SEMA4A: variants seen among roughly 807,000 people sequenced by gnomAD.
SEMA4A encodes the protein semaphorin 4A, also known as semaphorin-4A.
Under a neutral mutation model 72.5 loss-of-function variants are expected in SEMA4A, and 52 were observed. The ratio of observed to expected loss-of-function variants is 0.72; its 90% CI spans 0.57 to 0.90. SEMA4A has a LOEUF of 0.90. Ranked by LOEUF, SEMA4A falls within the 40% of genes least tolerant of loss-of-function variation. The probability of loss-of-function intolerance (pLI) is 0.00; values close to 1 mark genes in which losing one functional copy is unlikely to be tolerated. For synonymous variants in SEMA4A, 369 were observed against 393.1 expected, an observed-to-expected ratio of 0.94 and a Z score of 0.73; for missense variants, 926 against 959.7, an observed-to-expected ratio of 0.96 and a Z score of 0.46.
In SEMA4A at chr1:156,156,532, C is replaced by T. The variant is rs750424205; in HGVS notation, c.258C>T (p.Ala86=). 1.9e-6 allele frequency: 3 copies of T among 1,614,040 alleles called. No individual in the cohort carries two copies. The highest frequency in any genetic ancestry group is 2.5e-6 in the Non-Finnish European group (3 of 1,179,988). Residue 86 remains alanine, a synonymous_variant, in exon 3 of 15, where the codon GCC becomes GCT. Coordinates refer to ENST00000368285, the MANE Select transcript of SEMA4A (RefSeq NM_022367.4). ...TGGGGGCTCGAGAAGCCATTCTGGC[C>T]TTGGATATCCAGGATCCAGGGGTCC... The part of the protein sequence containing the change: ...LYVGAREAIL[A]LDIQDPGVPR...
chr1:156,161,020 A>C lies in SEMA4A; in HGVS notation c.801A>C (p.Arg267Ser), dbSNP rs1431755971. 8 of 1,554,742 alleles carry C rather than the reference A, an allele frequency of 5.1e-6. No individual in the cohort carries two copies. Among genetic ancestry groups the C allele is most frequent in the Non-Finnish European group, 7.0e-6 (8 of 1,146,630 alleles). The change falls in exon 8 of 15, where the codon AGA (arginine) becomes AGC (serine). Residue 267 changes from arginine to serine, a missense_variant. Coordinates refer to ENST00000368285, the MANE Select transcript of SEMA4A (RefSeq NM_022367.4). ...GGCTCCACACATCGCGGGTGGCTAGAGTCTGCAAGGTCCGCGGCCTGGGCG... is the reference window on the plus strand; with the variant it reads ...GGCTCCACACATCGCGGGTGGCTAGCGTCTGCAAGGTCCGCGGCCTGGGCG... ...FERLHTSRVA[R>S]VCKNDVGGEK...
upstream of SEMA4A, among the ~76,000 whole-genome samples, chr1:156,148,347 C>T (rs1652258064): frequency 6.6e-6 from 1 of 152,234 alleles, no homozygotes; most frequent in Non-Finnish European, 1.5e-5. Flanking sequence ...TGAGTCCCCA[C>T]AGCCGAGATG....
At chr1:156,167,529 A>G (rs954763718) in intron 10 of SEMA4A, among the ~76,000 whole-genome samples, 3 of 151,978 alleles carry the variant, frequency 2.0e-5, no homozygotes, top group East Asian at 3.9e-4. Context: ...AAATATTTAC[A>G]TAATCCCTTT....
In SEMA4A at chr1:156,172,968, T is replaced by G. The variant is rs1051987109; in HGVS notation, c.1277T>G (p.Leu426Arg). The G allele has an allele frequency of 1.4e-5, 22 of 1,613,960 alleles. No individual in the cohort carries two copies. In the African/African-American group the frequency reaches 2.8e-4, roughly 21 times the overall value. ...CTTGCAGTGGAGACAGCCCAGGGCC[T>G]TGATGGGCACAGCCATCTTGTCATG... is the stretch of plus-strand genomic sequence containing the variant. ...TRLAVETAQG[L>R]DGHSHLVMYL... The change falls in exon 11 of 15, where the codon CTT becomes CGT. Residue 426 changes from leucine (L) to arginine (R), a missense_variant. Physicochemically the swap from Leu to Arg is moderately radical, Grantham distance 102. Coordinates refer to ENST00000368285, the MANE Select transcript of SEMA4A (RefSeq NM_022367.4).
intron 10 of SEMA4A, among the ~76,000 whole-genome samples, chr1:156,171,332 G>A (rs1383150528): frequency 6.6e-6 from 1 of 152,198 alleles, no homozygotes; most frequent in Admixed American, 6.5e-5. Context: ...AGGGCCTTTA[G>A]AGAACAGTTG....
At position 156,154,696 on chromosome 1, in the gene SEMA4A, C is replaced by T; in HGVS notation, c.118C>T (p.Pro40Ser). 4 of 1,587,768 alleles carry T rather than the reference C, an allele frequency of 2.5e-6. No homozygotes were observed. The highest frequency in any genetic ancestry group is 3.4e-6 in the Non-Finnish European group (4 of 1,167,450). The change falls in exon 2 of 15, where the codon CCC (proline) becomes TCC (serine). Residue 40 changes from proline (P) to serine (S), a missense_variant. Physicochemically the swap from Pro to Ser is moderately conservative, Grantham distance 74. Coordinates refer to ENST00000368285, the MANE Select transcript of SEMA4A (RefSeq NM_022367.4). ...GGGGGGAGGCGGGCAGGGGCCCATGCCCAGGGTCAGATACTATGCAGGTAA... is the reference window on the plus strand; with the variant it reads ...GGGGGGAGGCGGGCAGGGGCCCATGTCCAGGGTCAGATACTATGCAGGTAA... ...TAGGGGQGPM[P>S]RVRYYAGDER...
upstream of SEMA4A, among the ~76,000 whole-genome samples, chr1:156,148,801 C>CTTT (rs371528689): frequency 2.3e-5 from 3 of 128,730 alleles, no homozygotes; most frequent in Admixed American, 7.7e-5. Flanking sequence ...TTTCTTTTTT[C>CTTT]TTTTTTTTTT....
Position 156,177,482 on chromosome 1 carries a change from G to A in SEMA4A, c.*485G>A, listed in dbSNP as rs542774465. 10 of 235,684 alleles carry A rather than the reference G, an allele frequency of 4.2e-5. No individual in the cohort carries two copies. The East Asian group carries it at 9.5e-4, about 22-fold the overall frequency. The allele number at this position is 235,684 out of a possible 1,614,324, so 14.6% of individuals were successfully genotyped here. A position where few individuals can be genotyped will look rare whatever the true frequency, so the allele number is the denominator to read the frequency against. ...TTCTCCCAGGGTCATGCAGGGATCT[G>A]CTCCCTCCTGCTTCCCTTACCAGTC... is the stretch of plus-strand genomic sequence containing the variant. On this transcript the variant is annotated 3_prime_UTR_variant, in exon 15 of 15. Coordinates refer to ENST00000368285, the MANE Select transcript of SEMA4A (RefSeq NM_022367.4).
At position 156,173,056 on chromosome 1, in the gene SEMA4A, C is replaced by T. The variant is rs1214403650; in HGVS notation, c.1315+50C>T. On this transcript the variant is annotated intron_variant, in intron 11 of 14. Coordinates refer to ENST00000368285, the MANE Select transcript of SEMA4A (RefSeq NM_022367.4). ...CCCCAGAGGACTAGAGCAGAGGATG[C>T]CCCCAGGTTGAGGAGGGAAACCCTT... 5.1e-6 allele frequency: 8 copies of T among 1,566,142 alleles called. No individual in the cohort carries two copies. In the East Asian group the frequency reaches 1.6e-4, roughly 31 times the overall value.
chr1:156,175,150 A>G lies in SEMA4A; in HGVS notation c.1499A>G (p.Tyr500Cys), dbSNP rs920186620. 10 of 1,614,108 alleles carry G rather than the reference A, an allele frequency of 6.2e-6. No homozygotes were observed. The highest frequency in any genetic ancestry group is 3.3e-5 in the South Asian group (3 of 91,078). The change falls in exon 13 of 15, where the codon TAT becomes TGT. Residue 500 changes from tyrosine to cysteine, a missense_variant. Transcript: ENST00000368285. ...GTGCCCCGAGCCAACTGTAGTGTCT[A>G]TGAGAGCTGTGTGGACTGTGTCCTT... ...WRVPRANCSV[Y>C]ESCVDCVLAR...
chr1:156,176,451 C>G lies in SEMA4A; in HGVS notation c.1740C>G (p.Cys580Trp), dbSNP rs754643343. 2 of 1,613,930 alleles carry G rather than the reference C, an allele frequency of 1.2e-6. No homozygotes were observed. Among genetic ancestry groups the G allele is most frequent in the African/African-American group, 2.7e-5 (2 of 74,902 alleles). The change falls in exon 15 of 15, where the codon TGC becomes TGG. Residue 580 changes from cysteine to tryptophan, a missense_variant. By Grantham distance (215) the Cys-to-Trp change is radical (BLOSUM62 -2). Transcript: ENST00000368285. The stretch of plus-strand genomic sequence containing the variant: ...CCAACTCCATCCTGGAGCTCCCCTG[C>G]CCCCACCTGTCAGCCTTGGCCTCTT... ...AVPNSILELP[C>W]PHLSALASYY...
At chr1:156,159,547 T>C (rs1452175019) in intron 6 of SEMA4A, among the ~76,000 whole-genome samples, 2 of 152,154 alleles carry the variant, frequency 1.3e-5, no homozygotes, top group African/African-American at 4.8e-5. Flanking sequence ...ACTGAGCCAC[T>C]GTTCAACAAT....
intron 10 of SEMA4A, among the ~76,000 whole-genome samples, chr1:156,167,293 A>G (rs1399607479): frequency 6.6e-6 from 1 of 151,854 alleles, no homozygotes; most frequent in African/African-American, 2.4e-5. Context: ...GTTTGAGAGC[A>G]GCCTGGGCAA....
intron 11 of SEMA4A, among the ~76,000 whole-genome samples, chr1:156,173,288 G>A (rs1224396937): frequency 6.6e-6 from 1 of 152,158 alleles, no homozygotes; most frequent in African/African-American, 2.4e-5. Flanking sequence ...TATGTTAGAG[G>A]AATGAAAGGT....
chr1:156,168,890 G>A (rs1443160958), intron 10 of SEMA4A, among the ~76,000 whole-genome samples: 1 of 152,170 alleles, frequency 6.6e-6, no homozygotes, highest in Non-Finnish European at 1.5e-5. Flanking sequence ...CTTGGTGTCT[G>A]GGAGCCACAG....
chr1:156,149,071 G>A (rs776651905), upstream of SEMA4A, among the ~76,000 whole-genome samples: 1 of 152,164 alleles, frequency 6.6e-6, no homozygotes, highest in South Asian at 2.1e-4. Flanking sequence ...CAAAATGCTG[G>A]GATTACAGGC....
In SEMA4A at chr1:156,172,545, C is replaced by A. The variant is rs1271088385; in HGVS notation, c.1135-281C>A. The stretch of plus-strand genomic sequence containing the variant: ...CATTTGCTGAGTGCTTGCTTCATGC[C>A]AAGCACTGTTTGAATTATTTTTCAT... On this transcript the variant is annotated intron_variant, in intron 10 of 14. Transcript: ENST00000368285. Among the ~76,000 whole-genome samples the A allele has an allele frequency of 2.0e-5, 3 of 152,162 alleles. No homozygotes were observed. In the East Asian group the frequency reaches 5.8e-4, roughly 29 times the overall value.
intron 9 of SEMA4A, 49 bp downstream of exon 9, chr1:156,161,567 A>T (rs747362780): frequency 6.2e-7 from 1 of 1,601,524 alleles, no homozygotes; most frequent in Non-Finnish European, 8.5e-7. Flanking sequence ...ACTTGACGCC[A>T]GTGAGGCCCC....
Position 156,177,134 on chromosome 1 carries a change from T to A in SEMA4A, c.*137T>A. On this transcript the variant is annotated 3_prime_UTR_variant, in exon 15 of 15. Transcript: ENST00000368285. ...TGAGAGGAGCTTCTGCTACTCTGCATCACTGATGACACTCAGCAGGGTGAT... is the reference window on the plus strand; with the variant it reads ...TGAGAGGAGCTTCTGCTACTCTGCAACACTGATGACACTCAGCAGGGTGAT... 1.3e-6 allele frequency: 1 copy of A among 783,040 alleles called. No homozygotes were observed. The highest frequency in any genetic ancestry group is 2.7e-5 in the East Asian group (1 of 37,694). 48.5% of individuals were successfully genotyped at this position (783,040 alleles called of 1,614,324 possible).
Sources: gnomAD v4.1 joint callset for allele counts (sites outside exome capture counted in the v4.1 genomes callset) on GRCh38, gnomAD v4.1.1 for gene constraint, MANE v1.5 for transcripts, NCBI Gene and HGNC (gene_info 2026-07-23, HGNC 2026-07-21) for gene names.